The following CFDP1 variants were observed in gnomAD, a reference collection of about 807,000 sequenced individuals.
The protein encoded by CFDP1 is heterochromatin-stabilizing protein CFDP1.
A neutral mutation model predicts 40.1 loss-of-function variants in CFDP1; 31 were observed. The ratio of observed to expected loss-of-function variants is 0.77; its 90% CI spans 0.58 to 1.04. The LOEUF (loss-of-function observed/expected upper bound fraction) is 1.04. Among genes scored for constraint, CFDP1 ranks in the 50% least tolerant of loss-of-function variants. The pLI is 0.00. For synonymous variants in CFDP1, 167 were observed against 120.0 expected, an observed-to-expected ratio of 1.39 and a Z score of -2.56; for missense variants, 423 against 343.4, an observed-to-expected ratio of 1.23 and a Z score of -1.83.
intron 5 of CFDP1, among the ~76,000 whole-genome samples, chr16:75,357,343 C>A (rs1292488563): frequency 6.6e-6 from 1 of 152,148 alleles, no homozygotes; most frequent in Admixed American, 6.5e-5. Context: ...CAACCTCCAC[C>A]TCCCGAGTTC....
chr16:75,350,707 T>C (rs755512908), intron 5 of CFDP1, among the ~76,000 whole-genome samples: 26 of 152,072 alleles, frequency 1.7e-4, no homozygotes, highest in Admixed American at 3.3e-4. Flanking sequence ...AGAAAACTAA[T>C]TGAACAAACT....
At chr16:75,427,644 C>T (rs1202607074) in intron 1 of CFDP1, among the ~76,000 whole-genome samples, 1 of 152,150 alleles carries the variant, frequency 6.6e-6, no homozygotes, top group Non-Finnish European at 1.5e-5. Context: ...AACTCTCAAA[C>T]TTGTTACCAA....
intron 5 of CFDP1, among the ~76,000 whole-genome samples, chr16:75,348,436 T>C (rs1242189785): frequency 2.0e-5 from 3 of 152,228 alleles, no homozygotes; most frequent in Non-Finnish European, 4.4e-5. Context: ...CAAAATAAAA[T>C]TTAAAAACAA....
intron 5 of CFDP1, chr16:75,381,384 G>A (rs1269928527): frequency 6.6e-6 from 1 of 152,132 alleles, no homozygotes; most frequent in Non-Finnish European, 1.5e-5. Flanking sequence ...GATAAAATGA[G>A]GGAGGGGGAT....
intron 5 of CFDP1, among the ~76,000 whole-genome samples, chr16:75,328,470 C>T (rs922585350): frequency 4.7e-5 from 7 of 148,030 alleles, no homozygotes; most frequent in Admixed American, 4.7e-4. Context: ...TGGTGGCAGG[C>T]GCCTGTAATC....
In CFDP1 at chr16:75,334,199, C is replaced by CACCCTAACCCTA. The variant is rs371461725; in HGVS notation, c.651-29029_651-29018dup. 5.3e-3 allele frequency among the ~76,000 whole-genome samples: 789 copies of CACCCTAACCCTA among 149,668 alleles called. 4 individuals carry two copies. Among genetic ancestry groups the CACCCTAACCCTA allele is most frequent in the Middle Eastern group, 0.014 (4 of 294 alleles). On this transcript the variant is annotated intron_variant, in intron 5 of 6. Transcript: ENST00000283882. Reference sequence around the variant, plus strand: ...GACTTGACTTGCCTCCTCCTCGCAGCACCCTAACCCTAACCCTAACCCTAA... The same window carrying CACCCTAACCCTA: ...GACTTGACTTGCCTCCTCCTCGCAGCACCCTAACCCTAACCCTAACCCTAACCCTAACCCTAA...
At chr16:75,356,309 G>A (rs1339929199) in intron 5 of CFDP1, among the ~76,000 whole-genome samples, 1 of 152,194 alleles carries the variant, frequency 6.6e-6, no homozygotes. Flanking sequence ...ATGGGCTGCA[G>A]AATGGATGTT....
At chr16:75,364,421 G>A (rs1013414412) in intron 5 of CFDP1, among the ~76,000 whole-genome samples, 1 of 152,076 alleles carries the variant, frequency 6.6e-6, no homozygotes, top group Non-Finnish European at 1.5e-5. Context: ...CCAGAGAGAT[G>A]GGAGATTTTT....
intron 2 of CFDP1, among the ~76,000 whole-genome samples, chr16:75,413,772 C>T (rs957857118): frequency 6.6e-6 from 1 of 152,164 alleles, no homozygotes; most frequent in Non-Finnish European, 1.5e-5. Context: ...ATGCCCTTAT[C>T]TAAGTTAAAT....
At chr16:75,361,277 CTG>C (rs2078677695) in intron 5 of CFDP1, among the ~76,000 whole-genome samples, 1 of 152,192 alleles carries the variant, frequency 6.6e-6, no homozygotes, top group Non-Finnish European at 1.5e-5. Flanking sequence ...TCCCAAAGTG[CTG>C]TGATTACAGG....
At chr16:75,294,864 C>G (rs79907512) in intron 6 of CFDP1, among the ~76,000 whole-genome samples, 1 of 152,086 alleles carries the variant, frequency 6.6e-6, no homozygotes, top group Non-Finnish European at 1.5e-5. Context: ...CCAGGCAGGA[C>G]GGGAAAGCAG....
intron 1 of CFDP1, among the ~76,000 whole-genome samples, chr16:75,432,201 C>A (rs1294545458): frequency 2.7e-5 from 4 of 149,692 alleles, no homozygotes; most frequent in Admixed American, 2.0e-4. Flanking sequence ...TGAGCCACCG[C>A]GCCAGGAATG....
chr16:75,310,058 C>T lies in CFDP1; in HGVS notation c.651-4876G>A, dbSNP rs928653490. 5.3e-5 allele frequency among the ~76,000 whole-genome samples: 8 copies of T among 152,256 alleles called. No individual in the cohort carries two copies. In the South Asian group the frequency reaches 6.2e-4, roughly 12 times the overall value. On this transcript the variant is annotated intron_variant, in intron 5 of 6. Coordinates refer to ENST00000283882, the MANE Select transcript of CFDP1 (RefSeq NM_006324.3). ...CACCCAGATTACATCCCAAATGTTA[C>T]GCTGAGGCATTCTGGAATGTTATTA...
intron 5 of CFDP1, among the ~76,000 whole-genome samples, chr16:75,347,343 C>CA (rs762900031): frequency 1.3e-3 from 116 of 91,596 alleles, no homozygotes; most frequent in South Asian, 3.1e-3. Context: ...GACTCCATCT[C>CA]AAAAAAAAAA....
intron 4 of CFDP1, among the ~76,000 whole-genome samples, chr16:75,407,003 A>C (rs1370030967): frequency 6.6e-6 from 1 of 151,778 alleles, no homozygotes; most frequent in Admixed American, 6.5e-5. Context: ...CTTGGGTGAC[A>C]GAGACTCCAT....
chr16:75,310,880 G>T (rs989629177), intron 5 of CFDP1, among the ~76,000 whole-genome samples: 1 of 152,162 alleles, frequency 6.6e-6, no homozygotes, highest in South Asian at 2.1e-4. Context: ...TCACAGAATA[G>T]AATTTTAGCT....
intron 4 of CFDP1, 110 bp downstream of exon 4, chr16:75,411,715 C>G: frequency 3.5e-6 from 4 of 1,142,166 alleles, no homozygotes; most frequent in South Asian, 1.4e-5. Flanking sequence ...AAGTATAACT[C>G]TCCCAAAATA....
chr16:75,410,463 A>C (rs2079149802), intron 4 of CFDP1, among the ~76,000 whole-genome samples: 1 of 152,180 alleles, frequency 6.6e-6, no homozygotes, highest in Non-Finnish European at 1.5e-5. Flanking sequence ...AATCAGAAAA[A>C]TATTATTAAG....
At chr16:75,339,540 G>C (rs1410750602) in intron 5 of CFDP1, among the ~76,000 whole-genome samples, 5 of 151,776 alleles carry the variant, frequency 3.3e-5, no homozygotes, top group African/African-American at 1.2e-4. Context: ...TAGATCCTCG[G>C]TGTGTAAATG....
Sources: allele counts gnomAD v4.1 joint callset (sites outside exome capture counted in the v4.1 genomes callset), GRCh38; gene constraint gnomAD v4.1.1; transcripts MANE v1.5; gene names NCBI Gene and HGNC (gene_info 2026-07-23, HGNC 2026-07-21).